POLD3: variants seen among roughly 807,000 people sequenced by gnomAD.
The protein encoded by POLD3 is DNA polymerase delta subunit 3.
Under a neutral mutation model 58.2 loss-of-function variants are expected in POLD3, and 19 were observed. The observed-to-expected ratio is 0.33, with a 90% CI of 0.23 to 0.48. The LOEUF is 0.48. POLD3 is among the 20% of genes least tolerant of loss of function. The pLI is 0.99. For missense variants in POLD3, 504 were observed against 545.5 expected (o/e 0.92, Z 0.76); for synonymous variants, 172 against 193.5 (o/e 0.89, Z 0.92).
intron 11 of POLD3, among the ~76,000 whole-genome samples, chr11:74,639,137 C>CAGCATT (rs1360360006): frequency 6.6e-6 from 1 of 152,198 alleles, no homozygotes; most frequent in East Asian, 1.9e-4. Context: ...CCAGCAGCAT[C>CAGCATT]AGCATTATCT....
chr11:74,609,181 A>G (rs1004031312), intron 3 of POLD3, among the ~76,000 whole-genome samples: 17 of 151,566 alleles, frequency 1.1e-4, no homozygotes, highest in Non-Finnish European at 1.5e-4. Context: ...GTCATCCTGT[A>G]TTTTAGAATC....
intron 11 of POLD3, among the ~76,000 whole-genome samples, chr11:74,637,607 G>T (rs1188953681): frequency 2.0e-5 from 3 of 151,590 alleles, no homozygotes; most frequent in Non-Finnish European, 4.4e-5. Context: ...TCCTCTTTCT[G>T]CCCCAAAAGA....
At chr11:74,597,791 C>T (rs2031330628) in intron 2 of POLD3, among the ~76,000 whole-genome samples, 1 of 152,146 alleles carries the variant, frequency 6.6e-6, no homozygotes, top group South Asian at 2.1e-4. Flanking sequence ...ATGCTTCAGT[C>T]GGGTGGCTGT....
At chr11:74,609,497 C>G (rs2031832982) in intron 3 of POLD3, among the ~76,000 whole-genome samples, 1 of 149,466 alleles carries the variant, frequency 6.7e-6, no homozygotes, top group African/African-American at 2.5e-5. Flanking sequence ...TTCTCCACCT[C>G]AGCCTCCCGA....
chr11:74,603,525 A>G (rs1257177984), intron 2 of POLD3, among the ~76,000 whole-genome samples: 2 of 152,140 alleles, frequency 1.3e-5, no homozygotes, highest in African/African-American at 2.4e-5. Flanking sequence ...TTTGTCACTG[A>G]AAGTTCCACA....
At chr11:74,621,134 A>T (rs1200767622) in intron 7 of POLD3, among the ~76,000 whole-genome samples, 1 of 152,166 alleles carries the variant, frequency 6.6e-6, no homozygotes, top group Non-Finnish European at 1.5e-5. Context: ...TACTTCTGTT[A>T]AAACAGGTCT....
At chr11:74,605,595 T>G (rs2031647813) in intron 3 of POLD3, among the ~76,000 whole-genome samples, 1 of 152,172 alleles carries the variant, frequency 6.6e-6, no homozygotes, top group Non-Finnish European at 1.5e-5. Context: ...TCAAACTTCC[T>G]ATCTGAAGGT....
In POLD3 at chr11:74,641,601, T is replaced by C. The variant is rs919802093; in HGVS notation, c.*835T>C. 7.1e-6 allele frequency: 7 copies of C among 985,186 alleles called. No homozygotes were observed. Among genetic ancestry groups the C allele is most frequent in the African/African-American group, 7.0e-5 (4 of 57,186 alleles). 61.0% of individuals were successfully genotyped at this position (985,186 alleles called of 1,614,324 possible). On this transcript the variant is annotated 3_prime_UTR_variant, in exon 12 of 12. Coordinates refer to ENST00000263681, the MANE Select transcript of POLD3 (RefSeq NM_006591.3). ...GTTTGTTGATCCCCTCCTCCCCCAC[T>C]CTCAATACCTAGAGAGTGAAACCCG...
intron 1 of POLD3, 96 bp downstream of exon 1, chr11:74,592,814 C>G: frequency 6.4e-7 from 1 of 1,562,832 alleles, no homozygotes. Flanking sequence ...CTTGTGGCTT[C>G]GTGGGGACCA....
chr11:74,626,249 C>T (rs1432722242), intron 8 of POLD3, among the ~76,000 whole-genome samples: 8 of 152,144 alleles, frequency 5.3e-5, no homozygotes, highest in Non-Finnish European at 1.0e-4. Flanking sequence ...GTGGGCCTCA[C>T]CACCTAGGAA....
At chr11:74,614,021 C>G (rs2032000924) in intron 5 of POLD3, among the ~76,000 whole-genome samples, 1 of 152,140 alleles carries the variant, frequency 6.6e-6, no homozygotes, top group South Asian at 2.1e-4. Flanking sequence ...AAGGACAGAG[C>G]TAAGAGAGAA....
chr11:74,631,233 C>A (rs980178644), intron 9 of POLD3, among the ~76,000 whole-genome samples: 2 of 152,168 alleles, frequency 1.3e-5, no homozygotes, highest in Non-Finnish European at 2.9e-5. Flanking sequence ...AGAAAAGGAA[C>A]AGCAGGAGTA....
chr11:74,622,097 A>G (rs2135154377), intron 7 of POLD3, among the ~76,000 whole-genome samples: 1 of 133,908 alleles, frequency 7.5e-6, no homozygotes, highest in East Asian at 2.2e-4. Context: ...TTCAATTCCC[A>G]CCTATGAGTG....
intron 9 of POLD3, among the ~76,000 whole-genome samples, chr11:74,629,817 G>C (rs2135167616): frequency 6.6e-6 from 1 of 152,104 alleles, no homozygotes; most frequent in African/African-American, 2.4e-5. Flanking sequence ...CCTCATAAGG[G>C]CAAGAGTTTT....
chr11:74,638,609 T>C (rs2032823531), intron 11 of POLD3: 1 of 455,878 alleles, frequency 2.2e-6, no homozygotes, highest in Non-Finnish European at 4.4e-6. Flanking sequence ...ATTAATTCAG[T>C]TACATAATGC....
At chr11:74,638,689 G>A (rs1470061726) in intron 11 of POLD3, 2 of 455,714 alleles carry the variant, frequency 4.4e-6, no homozygotes, top group African/African-American at 4.0e-5. Flanking sequence ...GTATGCCATG[G>A]GAATTCTCTA....
intron 2 of POLD3, chr11:74,595,085 A>G (rs1406160957): frequency 6.6e-6 from 1 of 151,958 alleles, no homozygotes; most frequent in Non-Finnish European, 1.5e-5. Context: ...CAGTCCTAAC[A>G]GTATATGAGT....
At chr11:74,611,070 C>T (rs375089419) in intron 3 of POLD3, among the ~76,000 whole-genome samples, 85 of 152,228 alleles carry the variant, frequency 5.6e-4, no homozygotes, top group African/African-American at 1.7e-3. Context: ...CCACCACACC[C>T]GGCCTTATTT....
At chr11:74,666,810 G>A (rs1290801068) in intron 4 of POLD3, among the ~76,000 whole-genome samples, 7 of 151,974 alleles carry the variant, frequency 4.6e-5, no homozygotes, top group Non-Finnish European at 1.0e-4. Flanking sequence ...CAAAAGTGGA[G>A]AAATCCTTCT....
Sources: gnomAD v4.1 joint callset for allele counts (sites outside exome capture counted in the v4.1 genomes callset) on GRCh38, gnomAD v4.1.1 for gene constraint, MANE v1.5 for transcripts, NCBI Gene and HGNC (gene_info 2026-07-23, HGNC 2026-07-21) for gene names.